Variants in NNT observed in about 807,000 individuals in gnomAD.
NNT encodes nicotinamide nucleotide transhydrogenase, also known as NAD(P) transhydrogenase, mitochondrial.
In NNT, 50 loss-of-function variants were observed where a neutral mutation model predicts 104.8. The ratio of observed to expected loss-of-function variants is 0.48; its 90% confidence interval spans 0.38 to 0.60. NNT has a LOEUF of 0.60. Ranked by LOEUF, NNT falls within the 20% of genes least tolerant of loss-of-function variation. NNT has a pLI of 0.00. For synonymous variants in NNT, 461 were observed against 490.4 expected (o/e 0.94, Z 0.79); for missense variants, 1,131 against 1,330.7 (o/e 0.85, Z 2.33).
chr5:43,649,048 TA>T, intron 10 of NNT, 98 bp from the exon 11 acceptor site: 1 of 1,353,506 alleles, frequency 7.4e-7, no homozygotes, highest in Non-Finnish European at 1.0e-6. Flanking sequence ...GAGTGGAATT[TA>T]AAAGCATTGG....
chr5:43,677,422 G>C lies in NNT; in HGVS notation c.2795-303G>C, dbSNP rs1375416498. On this transcript the variant is annotated intron_variant, in intron 18 of 21. Coordinates refer to ENST00000344920, the MANE Select transcript of NNT (RefSeq NM_182977.3). ...CATGAGAGAGAGAGAGAGAGAGAGAGAGAGACAGAGACAGAGAAAGAGACA... is the reference window on the plus strand; with the variant it reads ...CATGAGAGAGAGAGAGAGAGAGAGACAGAGACAGAGACAGAGAAAGAGACA... Among the ~76,000 whole-genome samples the C allele has an allele frequency of 1.5e-4, 22 of 151,274 alleles. No homozygotes were observed. In the East Asian group the frequency reaches 2.0e-3, roughly 13 times the overall value.
At chr5:43,632,140 A>C (rs1040117193) in intron 7 of NNT, among the ~76,000 whole-genome samples, 1 of 152,210 alleles carries the variant, frequency 6.6e-6, no homozygotes, top group Non-Finnish European at 1.5e-5. Context: ...GCCCTTTGGA[A>C]AACAATATCC....
intron 17 of NNT, among the ~76,000 whole-genome samples, chr5:43,663,075 T>C (rs1740455766): frequency 6.6e-6 from 1 of 152,152 alleles, no homozygotes; most frequent in African/African-American, 2.4e-5. Flanking sequence ...TATGTAATTG[T>C]CTAACCTTAA....
At chr5:43,655,755 G>C in intron 14 of NNT, 85 bp from the exon 15 acceptor site, 1 of 918,522 alleles carries the variant, frequency 1.1e-6, no homozygotes, top group Non-Finnish European at 1.7e-6. Context: ...TGTGACAATG[G>C]TGGAAATCCT....
chr5:43,668,441 T>G (rs1355478320), intron 17 of NNT, among the ~76,000 whole-genome samples: 1 of 152,214 alleles, frequency 6.6e-6, no homozygotes, highest in African/African-American at 2.4e-5. Context: ...TAATCCATCT[T>G]GAGTTAATTT....
intron 10 of NNT, among the ~76,000 whole-genome samples, chr5:43,647,765 CTG>C (rs1739531520): frequency 6.6e-6 from 1 of 152,146 alleles, no homozygotes; most frequent in South Asian, 2.1e-4. Context: ...ACACAAAAGA[CTG>C]TGGATTGTGA....
At chr5:43,655,343 A>G (rs1458977140) in intron 14 of NNT, among the ~76,000 whole-genome samples, 2 of 152,200 alleles carry the variant, frequency 1.3e-5, no homozygotes, top group Non-Finnish European at 2.9e-5. Context: ...GAAAGGGTAT[A>G]CAAGTTGAGC....
intron 17 of NNT, among the ~76,000 whole-genome samples, chr5:43,660,420 G>A (rs1314786497): frequency 1.3e-5 from 2 of 150,894 alleles, no homozygotes; most frequent in Admixed American, 1.3e-4. Flanking sequence ...TATAATTAAA[G>A]GTTTGAGTAG....
chr5:43,602,741 G>A (rs923041940), upstream of NNT: 1 of 152,286 alleles, frequency 6.6e-6, no homozygotes, highest in Non-Finnish European at 1.5e-5. Context: ...CTAGCGAGCT[G>A]GAGGAAAGGC....
At chr5:43,623,937 G>T in intron 5 of NNT, 95 bp from the exon 6 acceptor site, 2 of 1,163,794 alleles carry the variant, frequency 1.7e-6, no homozygotes, top group South Asian at 2.5e-5. Context: ...ATTTATTGAT[G>T]CTAAACTTAT....
At position 43,702,610 on chromosome 5, in the gene NNT, T is replaced by C. The variant is rs1742914423; in HGVS notation, c.2996-11T>C. The C allele has an allele frequency of 1.3e-6, 2 of 1,526,386 alleles. No homozygotes were observed. Among genetic ancestry groups the C allele is most frequent in the African/African-American group, 2.8e-5 (2 of 71,578 alleles). The allele number at this position is 1,526,386 out of a possible 1,614,324, so 94.6% of individuals were successfully genotyped here. The stretch of plus-strand genomic sequence containing the variant: ...AGTTTTATATTCTTTCTTTTTTGTT[T>C]TATTATATAGATACTGATTTGGTCC... On this transcript the variant is annotated splice_polypyrimidine_tract_variant and intron_variant, in intron 20 of 21. Transcript: ENST00000344920.
chr5:43,648,740 G>A (rs1253348129), intron 10 of NNT, among the ~76,000 whole-genome samples: 1 of 152,176 alleles, frequency 6.6e-6, no homozygotes, highest in Non-Finnish European at 1.5e-5. Context: ...TCTTATAAAG[G>A]TTGTGTCTTG....
intron 19 of NNT, among the ~76,000 whole-genome samples, chr5:43,678,724 C>T (rs1370530218): frequency 6.6e-6 from 1 of 152,186 alleles, no homozygotes; most frequent in Non-Finnish European, 1.5e-5. Flanking sequence ...AGTCAGAGTA[C>T]TTGTGCTGGA....
At chr5:43,617,548 G>A (rs367774237) in intron 4 of NNT, among the ~76,000 whole-genome samples, 14 of 152,204 alleles carry the variant, frequency 9.2e-5, no homozygotes, top group African/African-American at 2.6e-4. Flanking sequence ...ATCATTATCC[G>A]TCTCATTCAT....
In NNT at chr5:43,655,583, T is replaced by C. The variant is rs111312520; in HGVS notation, c.2060-257T>C. ...TTCCCAAGATATCTTATTATGTATA[T>C]GAAAATATTCCAAAATTAAAAAAAA... On this transcript the variant is annotated intron_variant, in intron 14 of 21. Transcript: ENST00000344920. 3.6e-3 allele frequency among the ~76,000 whole-genome samples: 546 copies of C among 152,300 alleles called. 2 individuals carry two copies. The highest frequency in any genetic ancestry group is 0.013 in the African/African-American group (534 of 41,552).
At chr5:43,678,702 G>A (rs1741551313) in intron 19 of NNT, among the ~76,000 whole-genome samples, 1 of 152,186 alleles carries the variant, frequency 6.6e-6, no homozygotes, top group Non-Finnish European at 1.5e-5. Context: ...TGCTGAGTTA[G>A]CTGAGTTAGC....
intron 19 of NNT, among the ~76,000 whole-genome samples, chr5:43,688,331 C>G (rs1239538002): frequency 1.3e-5 from 2 of 152,066 alleles, no homozygotes; most frequent in Non-Finnish European, 2.9e-5. Flanking sequence ...GTAGCCCCCC[C>G]ACCAAGGAAA....
intron 17 of NNT, among the ~76,000 whole-genome samples, chr5:43,668,729 G>T (rs552772109): frequency 6.6e-5 from 10 of 152,284 alleles, no homozygotes; most frequent in Non-Finnish European, 1.5e-4. Context: ...CTCCAGCTTT[G>T]TTCTTTTGGC....
At chr5:43,655,269 A>G (rs1739979725) in intron 14 of NNT, among the ~76,000 whole-genome samples, 1 of 152,186 alleles carries the variant, frequency 6.6e-6, no homozygotes, top group South Asian at 2.1e-4. Context: ...AGAGGCACGC[A>G]TTGATGCTGG....
Sources: allele counts gnomAD v4.1 joint callset (sites outside exome capture counted in the v4.1 genomes callset), GRCh38; gene constraint gnomAD v4.1.1; transcripts MANE v1.5; gene names NCBI Gene and HGNC (gene_info 2026-07-23, HGNC 2026-07-21).